Variants in ARMC9 observed in about 807,000 individuals in gnomAD.
ARMC9 encodes armadillo repeat containing 9.
A neutral mutation model predicts 107.0 loss-of-function variants in ARMC9; 94 were observed. That is an observed-to-expected ratio of 0.88 (90% confidence interval 0.74 to 1.04). The LOEUF (loss-of-function observed/expected upper bound fraction) is 1.04, where lower values mean the gene tolerates loss of function less well. ARMC9 is among the 50% of genes least tolerant of loss of function. The probability of loss-of-function intolerance (pLI) is 0.00; values close to 1 mark genes in which losing one functional copy is unlikely to be tolerated. For synonymous variants in ARMC9, 380 were observed against 396.9 expected (o/e 0.96, Z 0.51); for missense variants, 942 against 1,030.1 (o/e 0.91, Z 1.17).
chr2:231,324,123 C>CT (rs71296842), intron 19 of ARMC9, among the ~76,000 whole-genome samples: 50,208 of 89,528 alleles, frequency 0.56, 15,076 homozygotes, highest in East Asian at 0.69. Context: ...TTGTAAAGTA[C>CT]TTTTTTTTTT....
chr2:231,339,132 A>C (rs2044327322), intron 20 of ARMC9, among the ~76,000 whole-genome samples: 1 of 152,170 alleles, frequency 6.6e-6, no homozygotes, highest in Non-Finnish European at 1.5e-5. Flanking sequence ...GTTCAAGACC[A>C]GCCTGGCCAA....
intron 19 of ARMC9, among the ~76,000 whole-genome samples, chr2:231,328,757 CA>C (rs2043503427): frequency 6.8e-6 from 1 of 147,844 alleles, no homozygotes; most frequent in Non-Finnish European, 1.5e-5. Context: ...TGATTCTTCC[CA>C]TATATTGTTC....
chr2:231,353,153 C>T (rs1411745796), intron 21 of ARMC9, among the ~76,000 whole-genome samples: 1 of 131,486 alleles, frequency 7.6e-6, no homozygotes, highest in Non-Finnish European at 1.5e-5. Flanking sequence ...AGATGCTATG[C>T]TTGGAGGTCC....
intron 19 of ARMC9, among the ~76,000 whole-genome samples, chr2:231,315,597 AT>A (rs1559451058): frequency 6.6e-6 from 1 of 152,214 alleles, no homozygotes; most frequent in African/African-American, 2.4e-5. Context: ...TGGACTCTCA[AT>A]TTTGTTCACT....
intron 21 of ARMC9, among the ~76,000 whole-genome samples, chr2:231,352,727 TGGATA>T (rs2045153332): frequency 6.6e-6 from 1 of 150,932 alleles, no homozygotes; most frequent in Admixed American, 6.6e-5. Context: ...GGTAGATAGA[TGGATA>T]GAAGATAGGT....
intron 10 of ARMC9, among the ~76,000 whole-genome samples, chr2:231,257,240 T>TG (rs1409949804): frequency 6.6e-5 from 10 of 152,246 alleles, no homozygotes; most frequent in Admixed American, 5.9e-4. Flanking sequence ...CACAGAGTGT[T>TG]GCACTGTCTG....
intron 19 of ARMC9, among the ~76,000 whole-genome samples, chr2:231,307,755 C>G (rs1005550744): frequency 2.0e-5 from 3 of 152,240 alleles, no homozygotes; most frequent in Admixed American, 2.0e-4. Context: ...CAGTTGACTG[C>G]CACCAGGCAT....
chr2:231,215,975 G>C (rs2033457322), intron 4 of ARMC9, among the ~76,000 whole-genome samples: 1 of 152,196 alleles, frequency 6.6e-6, no homozygotes, highest in Non-Finnish European at 1.5e-5. Flanking sequence ...GTCTATGTAC[G>C]AGACTGTGAA....
chr2:231,324,361 C>T (rs1363986100), intron 19 of ARMC9, among the ~76,000 whole-genome samples: 5 of 150,680 alleles, frequency 3.3e-5, no homozygotes, highest in Non-Finnish European at 5.9e-5. Flanking sequence ...CGCCTGACCT[C>T]GTAATCCGCC....
intron 17 of ARMC9, among the ~76,000 whole-genome samples, chr2:231,282,888 G>A (rs2040317084): frequency 6.6e-6 from 1 of 152,170 alleles, no homozygotes; most frequent in Non-Finnish European, 1.5e-5. Context: ...CTACAGAACA[G>A]GGGAAAATAA....
At chr2:231,223,060 G>C (rs896416086) in intron 6 of ARMC9, among the ~76,000 whole-genome samples, 2 of 152,174 alleles carry the variant, frequency 1.3e-5, no homozygotes, top group Non-Finnish European at 2.9e-5. Flanking sequence ...CACGTGGCTA[G>C]AAGTTGTCTT....
At chr2:231,307,407 G>T (rs2042094415) in intron 19 of ARMC9, among the ~76,000 whole-genome samples, 1 of 152,220 alleles carries the variant, frequency 6.6e-6, no homozygotes. Flanking sequence ...TGGTTGGGGT[G>T]TGAGCTCTGG....
At chr2:231,243,368 G>A (rs566557369) in intron 9 of ARMC9, among the ~76,000 whole-genome samples, 79 of 151,178 alleles carry the variant, frequency 5.2e-4, no homozygotes, top group African/African-American at 1.8e-3. Context: ...AGAGGAGATC[G>A]CACCACTGCA....
chr2:231,211,247 G>A (rs796727072), intron 3 of ARMC9, among the ~76,000 whole-genome samples: 130 of 152,010 alleles, frequency 8.6e-4, no homozygotes, highest in African/African-American at 2.9e-3. Context: ...GGGGCTGGGC[G>A]TGGTGGCTCA....
chr2:231,272,981 A>G lies in ARMC9; in HGVS notation c.1237A>G (p.Lys413Glu), dbSNP rs756992166. 2 of 1,613,862 alleles carry G rather than the reference A, an allele frequency of 1.2e-6. No individual in the cohort carries two copies. Among genetic ancestry groups the G allele is most frequent in the Non-Finnish European group, 1.7e-6 (2 of 1,179,882 alleles). The change falls in exon 14 of 25, where the codon AAG (lysine) becomes GAG (glutamate). Residue 413 changes from lysine (K) to glutamate (E), a missense_variant. Coordinates refer to ENST00000611582, the MANE Select transcript of ARMC9 (RefSeq NM_001352754.2). ...EGRLYLAQNT[K>E]VLQMLEGRLK... ...TCGCCTCTACCTTGCCCAGAACACA[A>G]AGGTGCTGCAGATGCTGGAGGGAAG...
chr2:231,273,003 G>T lies in ARMC9; in HGVS notation c.1259G>T (p.Gly420Val). 1 of 1,613,934 alleles carries T rather than the reference G, an allele frequency of 6.2e-7. No individual in the cohort carries two copies. Among genetic ancestry groups the T allele is most frequent in the South Asian group, 1.1e-5 (1 of 91,072 alleles). Residue 420 changes from glycine to valine, a missense_variant, in exon 14 of 25, where the codon GGA (glycine) becomes GTA (valine). Gly to Val is a moderately radical substitution (Grantham distance 109, BLOSUM62 -3). Coordinates refer to ENST00000611582, the MANE Select transcript of ARMC9 (RefSeq NM_001352754.2). ...ACAAAGGTGCTGCAGATGCTGGAGG[G>T]AAGGCTGAAGGAGGAGGACAAGGAT... ...QNTKVLQMLE[G>V]RLKEEDKDII...
At chr2:231,334,397 G>A (rs1269048528) in intron 20 of ARMC9, among the ~76,000 whole-genome samples, 2 of 152,216 alleles carry the variant, frequency 1.3e-5, no homozygotes, top group African/African-American at 4.8e-5. Context: ...CTTGGCTTGT[G>A]GCTGCAACAT....
chr2:231,360,690 G>T lies in ARMC9; in HGVS notation c.2132-64G>T. The T allele has an allele frequency of 6.5e-7, 1 of 1,535,556 alleles. No homozygotes were observed. The highest frequency in any genetic ancestry group is 8.7e-7 in the Non-Finnish European group (1 of 1,146,462). On this transcript the variant is annotated intron_variant, in intron 22 of 24. Coordinates refer to ENST00000611582, the MANE Select transcript of ARMC9 (RefSeq NM_001352754.2). This position sits in a 1 kb window ranked among gnomAD's most constrained non-coding sequence, Gnocchi z 4.7. The stretch of plus-strand genomic sequence containing the variant: ...TTCTTGGCTTTCCAACCCAGCCCAC[G>T]AGAGGGCATCCTTAGAGGGGCTCCA...
At chr2:231,296,293 C>T (rs939883869) in intron 19 of ARMC9, 40 bp downstream of exon 19, 2 of 1,501,690 alleles carry the variant, frequency 1.3e-6, no homozygotes, top group Admixed American at 3.5e-5. Flanking sequence ...AAAACCCATA[C>T]CAAACTATTC....
Sources: gnomAD v4.1 joint callset for allele counts (sites outside exome capture counted in the v4.1 genomes callset) on GRCh38, gnomAD v4.1.1 for gene constraint, Gnocchi (gnomAD v3.1) non-coding constraint, MANE v1.5 for transcripts, NCBI Gene and HGNC (gene_info 2026-07-23, HGNC 2026-07-21) for gene names.